VRK2: variants seen among roughly 807,000 people sequenced by gnomAD.
VRK2 encodes the protein VRK serine/threonine kinase 2.
In VRK2, 60 loss-of-function variants were observed where a neutral mutation model predicts 57.6. The observed-to-expected ratio is 1.04, with a 90% confidence interval of 0.85 to 1.29. The LOEUF (loss-of-function observed/expected upper bound fraction) is 1.29, where lower values mean the gene tolerates loss of function less well. Among genes scored for constraint, VRK2 ranks in the 50% most tolerant of loss-of-function variants. The pLI, the probability that VRK2 is intolerant of heterozygous loss-of-function variation, is 0.00. For synonymous variants in VRK2, 231 were observed against 199.2 expected (o/e 1.16, Z -1.35); for missense variants, 705 against 588.1 (o/e 1.20, Z -2.06).
Position 58,146,554 on chromosome 2 carries a change from T to C in VRK2, c.1182+80T>C. 3.4e-6 allele frequency: 5 copies of C among 1,491,232 alleles called. No homozygotes were observed. The South Asian group carries it at 5.4e-5, about 16-fold the overall frequency. 92.4% of individuals were successfully genotyped at this position (1,491,232 alleles called of 1,614,324 possible). A position where few individuals can be genotyped will look rare whatever the true frequency, so the allele number is the denominator to read the frequency against. ...CCCTTTGGGAATAAAAACATCTTATTTTCTCCTGAGGGCCAAGGTTGTATG... is the reference window on the plus strand; with the variant it reads ...CCCTTTGGGAATAAAAACATCTTATCTTCTCCTGAGGGCCAAGGTTGTATG... On this transcript the variant is annotated intron_variant, in intron 12 of 12. Coordinates refer to ENST00000340157, the MANE Select transcript of VRK2 (RefSeq NM_006296.7).
intron 4 of VRK2, 79 bp from the exon 5 acceptor site, chr2:58,086,260 A>C: frequency 7.8e-7 from 1 of 1,289,776 alleles, no homozygotes; most frequent in Non-Finnish European, 1.1e-6. Context: ...TGGTTAGCTA[A>C]ATAAATTTGT....
chr2:58,046,504 A>T (rs1319235203), upstream of VRK2: 2 of 985,352 alleles, frequency 2.0e-6, no homozygotes, highest in Non-Finnish European at 1.2e-6. Flanking sequence ...ACACAAATGC[A>T]TGTCGTGCTT....
intron 1 of VRK2, among the ~76,000 whole-genome samples, chr2:57,968,412 A>T (rs1671986840): frequency 6.6e-6 from 1 of 152,118 alleles, no homozygotes; most frequent in South Asian, 2.1e-4. Context: ...GGAAAAAAAT[A>T]GATACTTATC....
chr2:58,051,189 A>G (rs1675683953), intron 2 of VRK2, among the ~76,000 whole-genome samples: 2 of 152,158 alleles, frequency 1.3e-5, no homozygotes, highest in Non-Finnish European at 2.9e-5. Context: ...TTGTTTTACA[A>G]TATATTTTCA....
At chr2:57,970,055 A>G (rs1672045877) in intron 1 of VRK2, among the ~76,000 whole-genome samples, 1 of 151,466 alleles carries the variant, frequency 6.6e-6, no homozygotes, top group African/African-American at 2.4e-5. Context: ...GGGAAGATGG[A>G]GTATTACAAA....
intron 12 of VRK2, among the ~76,000 whole-genome samples, chr2:58,156,575 T>C (rs1232172917): frequency 4.2e-5 from 6 of 142,992 alleles, no homozygotes; most frequent in Non-Finnish European, 7.4e-5. Flanking sequence ...GGTTGGGTGG[T>C]GGTGTTTTTT....
At chr2:57,934,204 G>A (rs1315697101) in intron 1 of VRK2, among the ~76,000 whole-genome samples, 2 of 152,126 alleles carry the variant, frequency 1.3e-5, no homozygotes, top group Non-Finnish European at 2.9e-5. Flanking sequence ...TTCTGAATTT[G>A]ACTGTATACT....
chr2:58,130,730 C>T (rs1408155747), intron 8 of VRK2, among the ~76,000 whole-genome samples: 3 of 152,026 alleles, frequency 2.0e-5, no homozygotes, highest in African/African-American at 7.2e-5. Context: ...GTTTAACAGC[C>T]ACTTACTGCT....
At chr2:58,110,561 T>C (rs1024957028) in intron 7 of VRK2, among the ~76,000 whole-genome samples, 1 of 152,176 alleles carries the variant, frequency 6.6e-6, no homozygotes, top group African/African-American at 2.4e-5. Flanking sequence ...TACAGTACTT[T>C]TTTGTTTCTC....
intron 1 of VRK2, among the ~76,000 whole-genome samples, chr2:57,949,370 C>A (rs948753833): frequency 4.6e-5 from 7 of 152,140 alleles, no homozygotes; most frequent in Non-Finnish European, 8.8e-5. Context: ...CATGTGCTCA[C>A]TTTTCTCTGT....
At chr2:58,139,277 A>G (rs574970241) in intron 10 of VRK2, among the ~76,000 whole-genome samples, 1 of 152,256 alleles carries the variant, frequency 6.6e-6, no homozygotes, top group African/African-American at 2.4e-5. Context: ...AATAAGTAAC[A>G]CTTTAACTGA....
At chr2:58,106,170 G>GT (rs200783242) in intron 7 of VRK2, among the ~76,000 whole-genome samples, 1,836 of 152,034 alleles carry the variant, frequency 0.012, 29 homozygotes, top group African/African-American at 0.039. Flanking sequence ...AGTATCATAG[G>GT]TTTTTTCTTA....
At chr2:57,961,623 ACC>A (rs10588765) in intron 1 of VRK2, among the ~76,000 whole-genome samples, 37,701 of 96,836 alleles carry the variant, frequency 0.39, 4,937 homozygotes, top group East Asian at 0.51. Flanking sequence ...CACTGTACCC[ACC>A]CCCCCCCCCA....
intron 11 of VRK2, among the ~76,000 whole-genome samples, chr2:58,144,698 A>C (rs2104639179): frequency 6.6e-6 from 1 of 152,138 alleles, no homozygotes; most frequent in South Asian, 2.1e-4. Context: ...TTCAGCAGAA[A>C]GTGGCTCAGA....
At chr2:57,933,779 T>C (rs1163795818) in intron 1 of VRK2, among the ~76,000 whole-genome samples, 1 of 152,168 alleles carries the variant, frequency 6.6e-6, no homozygotes, top group Non-Finnish European at 1.5e-5. Flanking sequence ...CAATGTTTTC[T>C]GGCTGCTGTT....
intron 1 of VRK2, among the ~76,000 whole-genome samples, chr2:57,972,471 T>C (rs943972782): frequency 4.0e-5 from 6 of 151,826 alleles, no homozygotes; most frequent in Non-Finnish European, 8.8e-5. Flanking sequence ...AAACAGTTTA[T>C]TTTTTTCTGC....
intron 7 of VRK2, among the ~76,000 whole-genome samples, chr2:58,100,527 T>A (rs1344285101): frequency 1.3e-5 from 2 of 151,816 alleles, no homozygotes; most frequent in Non-Finnish European, 2.9e-5. Flanking sequence ...TTTCCTTCCT[T>A]GTGAGGTTCT....
At chr2:58,046,652 C>A (rs773490883), upstream of VRK2, 68 of 985,506 alleles carry the variant, frequency 6.9e-5, no homozygotes, top group Non-Finnish European at 8.1e-5. Flanking sequence ...GTGGACAGGC[C>A]GCTGAAAGGA....
chr2:57,981,399 G>C (rs1170254663), intron 1 of VRK2, among the ~76,000 whole-genome samples: 2 of 152,146 alleles, frequency 1.3e-5, no homozygotes, highest in Non-Finnish European at 2.9e-5. Flanking sequence ...CTGCTGAAAA[G>C]TTTGCTGTTA....
Sources: allele counts gnomAD v4.1 joint callset (sites outside exome capture counted in the v4.1 genomes callset), GRCh38; gene constraint gnomAD v4.1.1; transcripts MANE v1.5; gene names NCBI Gene and HGNC (gene_info 2026-07-23, HGNC 2026-07-21).